Variants in MCTP2 observed in about 807,000 individuals in gnomAD.
MCTP2 encodes the protein multiple C2 and transmembrane domain containing 2.
In MCTP2, 132 loss-of-function variants were observed where a neutral mutation model predicts 111.6. That is an observed-to-expected ratio of 1.18 (90% confidence interval 1.03 to 1.37). The LOEUF (loss-of-function observed/expected upper bound fraction) is 1.37, where lower values mean the gene tolerates loss of function less well. Ranked by LOEUF, MCTP2 falls within the 40% of genes most tolerant of loss-of-function variation. The pLI is 0.00. For synonymous variants in MCTP2, 395 were observed against 387.7 expected, an observed-to-expected ratio of 1.02 and a Z score of -0.22; for missense variants, 1,183 against 1,067.9, an observed-to-expected ratio of 1.11 and a Z score of -1.50.
rs1655455 is a variant in MCTP2 at position 94,315,457 on chromosome 15, G to A, written c.529-72G>A. On this transcript the variant is annotated intron_variant, in intron 3 of 22. Transcript: ENST00000357742. The stretch of plus-strand genomic sequence containing the variant: ...GCCTTTCTTTTTTCCCTCCAAAATC[G>A]AGAAGTATTTCTGAAATTCTCTTGC... 0.54 allele frequency: 589,926 copies of A among 1,098,368 alleles called. 160,352 individuals are homozygous for A. The highest frequency in any genetic ancestry group is 0.56 in the Non-Finnish European group (411,284 of 736,492). The allele number at this position is 1,098,368 out of a possible 1,614,324, so 68.0% of individuals were successfully genotyped here.
rs74764974 is a variant in MCTP2, at chr15:94,237,264, C to G, written c.-66+5600C>G. On this transcript the variant is annotated intron_variant, in intron 1 of 22. Coordinates refer to ENST00000357742, the MANE Select transcript of MCTP2 (RefSeq NM_001385001.1). ...TTGAATAATGCAGTTGCTGTAACAA[C>G]TGAATAATTCAATCAACTGAACTCA... 1.1e-3 allele frequency among the ~76,000 whole-genome samples: 169 copies of G among 152,248 alleles called. 3 individuals carry two copies. In the East Asian group the frequency reaches 0.027, roughly 25 times the overall value.
chr15:94,372,519 C>G (rs574316176), intron 12 of MCTP2, among the ~76,000 whole-genome samples: 1 of 152,162 alleles, frequency 6.6e-6, no homozygotes, highest in Non-Finnish European at 1.5e-5. Context: ...GGTCAGCGAT[C>G]GTGGCCTACG....
chr15:94,268,150 G>A (rs564762720), intron 1 of MCTP2, among the ~76,000 whole-genome samples: 1 of 149,388 alleles, frequency 6.7e-6, no homozygotes, highest in Non-Finnish European at 1.5e-5. Flanking sequence ...ACAGGTATGA[G>A]CCACCACGCC....
chr15:94,327,214 T>G (rs1168759635), intron 4 of MCTP2, among the ~76,000 whole-genome samples: 1 of 152,218 alleles, frequency 6.6e-6, no homozygotes, highest in Non-Finnish European at 1.5e-5. Context: ...CTATCTAGTT[T>G]TACATTTTTT....
At position 94,358,580 on chromosome 15, in the gene MCTP2, G is replaced by T; in HGVS notation, c.1269G>T (p.Lys423Asn). The T allele has an allele frequency of 6.2e-7, 1 of 1,613,812 alleles. No homozygotes were observed. ...TTTTGGACATTGAAGTGTGGGGAAA[G>T]GACAACAAAAAGCATGAGGAACGTC... ...MGILDIEVWG[K>N]DNKKHEERLG... Residue 423 changes from lysine to asparagine, a missense_variant, in exon 10 of 23, where the codon AAG becomes AAT. Coordinates refer to ENST00000357742, the MANE Select transcript of MCTP2 (RefSeq NM_001385001.1).
At chr15:94,263,556 G>A (rs531919861) in intron 1 of MCTP2, among the ~76,000 whole-genome samples, 1 of 152,184 alleles carries the variant, frequency 6.6e-6, no homozygotes, top group African/African-American at 2.4e-5. Context: ...TGTCTTCTCT[G>A]TAAGACACAT....
chr15:94,448,459 A>G (rs541945315), intron 19 of MCTP2, among the ~76,000 whole-genome samples: 18 of 152,340 alleles, frequency 1.2e-4, no homozygotes, highest in African/African-American at 3.8e-4. Flanking sequence ...CGTAGTCTAT[A>G]TAGATTGAGT....
chr15:94,242,032 AAATTATT>A, intron 1 of MCTP2, among the ~76,000 whole-genome samples: 1 of 152,298 alleles, frequency 6.6e-6, no homozygotes. Flanking sequence ...AAAAGGTTCC[AAATTATT>A]CTCTCCATTC....
chr15:94,237,501 A>G (rs12906507), intron 1 of MCTP2, among the ~76,000 whole-genome samples: 17,799 of 151,670 alleles, frequency 0.12, 1,395 homozygotes, highest in Non-Finnish European at 0.17. Flanking sequence ...CTCATGCCCT[A>G]CAAACTATAA....
intron 17 of MCTP2, among the ~76,000 whole-genome samples, chr15:94,412,265 A>C (rs1407507954): frequency 1.3e-5 from 2 of 151,268 alleles, no homozygotes; most frequent in Non-Finnish European, 2.9e-5. Context: ...TACAAACTGC[A>C]TATACACAGG....
intron 1 of MCTP2, among the ~76,000 whole-genome samples, chr15:94,256,830 C>T (rs1596196833): frequency 6.6e-6 from 1 of 152,146 alleles, no homozygotes; most frequent in East Asian, 1.9e-4. Flanking sequence ...AATCAAAGAA[C>T]CTTTGATACT....
chr15:94,365,440 A>C (rs181671818), intron 10 of MCTP2, among the ~76,000 whole-genome samples: 2 of 152,330 alleles, frequency 1.3e-5, no homozygotes, highest in African/African-American at 4.8e-5. Context: ...AGCTTGTGAA[A>C]ATGTGTAATT....
chr15:94,378,008 G>A (rs980169771), intron 12 of MCTP2, among the ~76,000 whole-genome samples: 1 of 152,026 alleles, frequency 6.6e-6, no homozygotes, highest in African/African-American at 2.4e-5. Flanking sequence ...GTCTTAGGTG[G>A]GACTGGATGA....
At chr15:94,470,543 C>A in intron 21 of MCTP2, 101 bp downstream of exon 21, 2 of 903,650 alleles carry the variant, frequency 2.2e-6, no homozygotes, top group East Asian at 2.5e-5. Context: ...CTCTTGTTGG[C>A]AATTAAACAT....
At chr15:94,276,267 A>G (rs2074206919) in intron 1 of MCTP2, among the ~76,000 whole-genome samples, 1 of 152,238 alleles carries the variant, frequency 6.6e-6, no homozygotes, top group Non-Finnish European at 1.5e-5. Context: ...AAACAGCAAT[A>G]TAATGAAATT....
intron 1 of MCTP2, among the ~76,000 whole-genome samples, chr15:94,248,565 C>T (rs1044451239): frequency 6.6e-6 from 1 of 152,188 alleles, no homozygotes; most frequent in Non-Finnish European, 1.5e-5. Context: ...TATGTTCTTT[C>T]GCTTGTTGCT....
At chr15:94,269,459 C>T (rs978865382) in intron 1 of MCTP2, among the ~76,000 whole-genome samples, 4 of 152,030 alleles carry the variant, frequency 2.6e-5, no homozygotes, top group African/African-American at 9.7e-5. Flanking sequence ...TTTACAACTC[C>T]AGATATCTGG....
intron 14 of MCTP2, among the ~76,000 whole-genome samples, chr15:94,394,452 GTGTT>G (rs2081175286): frequency 1.3e-5 from 2 of 152,086 alleles, no homozygotes; most frequent in South Asian, 2.1e-4. Flanking sequence ...CTTCATATGA[GTGTT>G]TGTTTAAAAA....
chr15:94,468,070 T>TAATC (rs1451712856), intron 20 of MCTP2, among the ~76,000 whole-genome samples: 4 of 152,178 alleles, frequency 2.6e-5, no homozygotes, highest in African/African-American at 7.2e-5. Flanking sequence ...ATTTTTATGT[T>TAATC]AATCATAAAC....
Sources: gnomAD v4.1 joint callset for allele counts (sites outside exome capture counted in the v4.1 genomes callset) on GRCh38, gnomAD v4.1.1 for gene constraint, MANE v1.5 for transcripts, NCBI Gene and HGNC (gene_info 2026-07-23, HGNC 2026-07-21) for gene names.